MYRIP: variants seen among roughly 807,000 people sequenced by gnomAD.
The protein encoded by MYRIP is myosin VIIA and Rab interacting protein, also known as rab effector MyRIP.
In MYRIP, 49 loss-of-function variants were observed where a neutral mutation model predicts 98.0. The observed-to-expected ratio is 0.50, with a 90% confidence interval of 0.40 to 0.63. The LOEUF is 0.63. Ranked by LOEUF, MYRIP falls within the 30% of genes least tolerant of loss-of-function variation. The pLI, the probability that MYRIP is intolerant of heterozygous loss-of-function variation, is 0.00. For missense variants in MYRIP, 1,004 were observed against 1,058.2 expected (o/e 0.95, Z 0.71); for synonymous variants, 404 against 409.5 (o/e 0.99, Z 0.16).
chr3:40,143,461 G>A (rs539307075), intron 3 of MYRIP, among the ~76,000 whole-genome samples: 2 of 152,178 alleles, frequency 1.3e-5, no homozygotes, highest in African/African-American at 4.8e-5. Context: ...TGCATCCTGT[G>A]AGTTTCCCCT....
At chr3:39,891,524 A>G (rs910066273) in intron 1 of MYRIP, among the ~76,000 whole-genome samples, 1 of 152,108 alleles carries the variant, frequency 6.6e-6, no homozygotes, top group Non-Finnish European at 1.5e-5. Flanking sequence ...GGTAGTAAAC[A>G]TTGATTACAC....
At chr3:39,954,210 C>T (rs144706478) in intron 2 of MYRIP, among the ~76,000 whole-genome samples, 3 of 152,240 alleles carry the variant, frequency 2.0e-5, no homozygotes, top group Middle Eastern at 3.4e-3. Context: ...TAGACTGCCT[C>T]CTCAAGTGGG....
chr3:39,951,275 G>T (rs1400742027), intron 2 of MYRIP, among the ~76,000 whole-genome samples: 1 of 152,156 alleles, frequency 6.6e-6, no homozygotes, highest in Non-Finnish European at 1.5e-5. Context: ...GCTGGACACT[G>T]AAACCACCTA....
At chr3:40,218,615 T>C (rs796193986) in intron 11 of MYRIP, among the ~76,000 whole-genome samples, 414 of 7,546 alleles carry the variant, frequency 0.055, 10 homozygotes, top group Middle Eastern at 0.38. Flanking sequence ...ATATATTTTA[T>C]ATATATATAT....
rs142804820 is a variant in MYRIP, at chr3:40,102,830, C to T, written c.333-48218C>T. Among the ~76,000 whole-genome samples the T allele has an allele frequency of 2.6e-5, 4 of 152,018 alleles. No homozygotes were observed. In the East Asian group the frequency reaches 7.8e-4, roughly 30 times the overall value. ...CCCACATTAAGAAGTTCTATTTACTCTCACAATCTAAGAGACAGATACCTA... is the reference window on the plus strand; with the variant it reads ...CCCACATTAAGAAGTTCTATTTACTTTCACAATCTAAGAGACAGATACCTA... On this transcript the variant is annotated intron_variant, in intron 3 of 16. Transcript: ENST00000302541.
At position 40,087,305 on chromosome 3, in the gene MYRIP, G is replaced by A. The variant is rs545085282; in HGVS notation, c.332+43034G>A. On this transcript the variant is annotated intron_variant, in intron 3 of 16. Transcript: ENST00000302541. ...CACAGTGCTGTGGATGAAATTCAGT[G>A]AGAGGCACATGCAAGGGGCTCAGCC... is the stretch of plus-strand genomic sequence containing the variant. 5.3e-5 allele frequency among the ~76,000 whole-genome samples: 8 copies of A among 152,280 alleles called. No homozygotes were observed. In the East Asian group the frequency reaches 1.6e-3, roughly 30 times the overall value.
At chr3:39,981,058 A>G (rs970433755) in intron 2 of MYRIP, among the ~76,000 whole-genome samples, 8 of 152,174 alleles carry the variant, frequency 5.3e-5, no homozygotes, top group Non-Finnish European at 1.0e-4. Flanking sequence ...TGTTGTATAT[A>G]TTTTACCACG....
chr3:40,205,712 G>T (rs1023098328), intron 10 of MYRIP, among the ~76,000 whole-genome samples: 1 of 151,960 alleles, frequency 6.6e-6, no homozygotes, highest in Non-Finnish European at 1.5e-5. Flanking sequence ...TCTGTGATCT[G>T]CTTATGTCCC....
chr3:39,927,631 T>C (rs1944445979), intron 2 of MYRIP, among the ~76,000 whole-genome samples: 1 of 151,988 alleles, frequency 6.6e-6, no homozygotes, highest in Admixed American at 6.6e-5. Flanking sequence ...GAAGAGCTGG[T>C]ACCATACTGA....
At chr3:39,974,668 A>G (rs1945697915) in intron 2 of MYRIP, among the ~76,000 whole-genome samples, 1 of 152,158 alleles carries the variant, frequency 6.6e-6, no homozygotes, top group Admixed American at 6.6e-5. Context: ...CTGGCAAACC[A>G]AATCCAGCAG....
At chr3:39,815,577 A>G (rs1181856318) in intron 1 of MYRIP, among the ~76,000 whole-genome samples, 23 of 152,014 alleles carry the variant, frequency 1.5e-4, no homozygotes, top group Non-Finnish European at 7.4e-5. Context: ...TTTGTATTCT[A>G]ATTTTCTATT....
chr3:39,895,916 G>GGT lies in MYRIP; in HGVS notation c.-30-4851_-30-4850dup, dbSNP rs10577583. On this transcript the variant is annotated intron_variant, in intron 1 of 16. Transcript: ENST00000302541. ...GAGAAAAACTCGTGTGTGTGTGTGT[G>GGT]GTGTGTGTGTGTGTGTGTGTGCGCG... Among the ~76,000 whole-genome samples the GGT allele has an allele frequency of 1.0e-3, 156 of 150,030 alleles. 1 individual carries two copies. Among genetic ancestry groups the GGT allele is most frequent in the East Asian group, 4.6e-3 (23 of 4,972 alleles).
At chr3:39,854,657 C>T (rs1942232738) in intron 1 of MYRIP, among the ~76,000 whole-genome samples, 1 of 152,142 alleles carries the variant, frequency 6.6e-6, no homozygotes, top group African/African-American at 2.4e-5. Context: ...GAGATTCCTT[C>T]TTGGTTTGGA....
chr3:39,820,086 A>G (rs1421778608), intron 1 of MYRIP, among the ~76,000 whole-genome samples: 3 of 152,156 alleles, frequency 2.0e-5, no homozygotes, highest in Non-Finnish European at 4.4e-5. Context: ...CTGAGCTGAC[A>G]CTGGGGAAGA....
intron 11 of MYRIP, among the ~76,000 whole-genome samples, chr3:40,219,642 T>C (rs534384730): frequency 0.051 from 7,805 of 151,874 alleles, 631 homozygotes; most frequent in African/African-American, 0.18. Flanking sequence ...GCTTCATCCA[T>C]GTCCCTACAA....
At chr3:39,850,057 G>A (rs1052025807) in intron 1 of MYRIP, among the ~76,000 whole-genome samples, 1 of 152,210 alleles carries the variant, frequency 6.6e-6, no homozygotes, top group African/African-American at 2.4e-5. Flanking sequence ...TCTTCCTAGA[G>A]TAGGGTGTCA....
At chr3:40,252,317 T>C (rs1166309000) in intron 16 of MYRIP, among the ~76,000 whole-genome samples, 1 of 152,098 alleles carries the variant, frequency 6.6e-6, no homozygotes, top group African/African-American at 2.4e-5. Context: ...GTACTGGAAA[T>C]TGCACTTGGA....
In MYRIP at chr3:40,244,622, C is replaced by T; in HGVS notation, c.2262+15C>T. On this transcript the variant is annotated intron_variant, in intron 13 of 16. Coordinates refer to ENST00000302541, the MANE Select transcript of MYRIP (RefSeq NM_015460.4). ...CTGAACTCCAGGTGAGAACTCTCCT[C>T]TCTGCCCACATGGGTCCTGCAGGGT... The T allele has an allele frequency of 6.2e-7, 1 of 1,604,356 alleles. No homozygotes were observed. Among genetic ancestry groups the T allele is most frequent in the Non-Finnish European group, 8.5e-7 (1 of 1,175,436 alleles).
intron 2 of MYRIP, among the ~76,000 whole-genome samples, chr3:40,035,022 A>G (rs1291341960): frequency 1.4e-5 from 2 of 140,050 alleles, no homozygotes; most frequent in African/African-American, 2.7e-5. Flanking sequence ...GAATTGAACA[A>G]TGAGAACACA....
Sources: gnomAD v4.1 joint callset for allele counts (sites outside exome capture counted in the v4.1 genomes callset) on GRCh38, gnomAD v4.1.1 for gene constraint, MANE v1.5 for transcripts, NCBI Gene and HGNC (gene_info 2026-07-23, HGNC 2026-07-21) for gene names.